USP31: variants seen among roughly 807,000 people sequenced by gnomAD.
USP31 encodes the protein ubiquitin carboxyl-terminal hydrolase 31.
Under a neutral mutation model 119.4 loss-of-function variants are expected in USP31, and 44 were observed. The ratio of observed to expected loss-of-function variants is 0.37; its 90% confidence interval spans 0.29 to 0.47. The LOEUF (loss-of-function observed/expected upper bound fraction) is 0.47, where lower values mean the gene tolerates loss of function less well. Among genes scored for constraint, USP31 ranks in the 20% least tolerant of loss-of-function variants. USP31 has a pLI of 0.99. For missense variants in USP31, 1,643 were observed against 1,730.2 expected, an observed-to-expected ratio of 0.95 and a Z score of 0.89; for synonymous variants, 749 against 705.6, an observed-to-expected ratio of 1.06 and a Z score of -0.97.
chr16:23,106,315 A>G lies in USP31; in HGVS notation c.861-10T>C, dbSNP rs1383736334. The G allele has an allele frequency of 6.2e-7, 1 of 1,614,116 alleles. No homozygotes were observed. Among genetic ancestry groups the G allele is most frequent in the South Asian group, 1.1e-5 (1 of 91,056 alleles). ...ACACGTCAAAGAAGATCTTCAAAAC[A>G]AAAAGGTAAGACGCTTGACATTAAA... On this transcript the variant is annotated splice_polypyrimidine_tract_variant and intron_variant, in intron 3 of 15. Transcript: ENST00000219689.
chr16:23,143,594 G>GGA (rs11369711), intron 1 of USP31, among the ~76,000 whole-genome samples: 2 of 149,970 alleles, frequency 1.3e-5, no homozygotes, highest in Admixed American at 6.7e-5. Context: ...TTGGGGGGGG[G>GGA]GAGAGAGAGA....
At chr16:23,070,900 T>A (rs1900318376) in intron 15 of USP31, among the ~76,000 whole-genome samples, 1 of 152,184 alleles carries the variant, frequency 6.6e-6, no homozygotes. Context: ...AGCACCATTA[T>A]ACAATGATGA....
rs189209877 is a variant in USP31 at position 23,092,952 on chromosome 16, T to A, written c.1235-2148A>T. Among the ~76,000 whole-genome samples, 11 of 152,218 alleles carry A rather than the reference T, an allele frequency of 7.2e-5. No homozygotes were observed. In the East Asian group the frequency reaches 1.9e-3, roughly 27 times the overall value. ...CAATGAGGACAGTACAATCTCTTCA[T>A]CAAATGGTGCTGGGACAAGTAAATA... On this transcript the variant is annotated intron_variant, in intron 6 of 15. Coordinates refer to ENST00000219689, the MANE Select transcript of USP31 (RefSeq NM_020718.4).
chr16:23,148,412 C>G (rs535937109), intron 1 of USP31, among the ~76,000 whole-genome samples: 9 of 152,310 alleles, frequency 5.9e-5, no homozygotes, highest in Admixed American at 5.9e-4. Flanking sequence ...AGTATGGGCA[C>G]GTATGTAGTA....
At chr16:23,089,277 G>C (rs1048246106) in intron 7 of USP31, among the ~76,000 whole-genome samples, 4 of 152,078 alleles carry the variant, frequency 2.6e-5, no homozygotes, top group South Asian at 2.1e-4. Flanking sequence ...CGTCTTCCCT[G>C]ACCTCCCTTC....
intron 12 of USP31, among the ~76,000 whole-genome samples, chr16:23,081,898 C>G (rs765659430): frequency 6.6e-6 from 1 of 152,234 alleles, no homozygotes; most frequent in Non-Finnish European, 1.5e-5. Context: ...CAGATACAAA[C>G]TAAGAGCCAG....
chr16:23,086,930 C>T (rs1901134052), intron 9 of USP31, among the ~76,000 whole-genome samples, 162 bp downstream of exon 9: 1 of 152,104 alleles, frequency 6.6e-6, no homozygotes, highest in Non-Finnish European at 1.5e-5. Flanking sequence ...GATCATCAAA[C>T]ATATACCCAA....
chr16:23,127,371 A>G (rs1050301819), intron 1 of USP31, among the ~76,000 whole-genome samples: 1 of 152,104 alleles, frequency 6.6e-6, no homozygotes, highest in African/African-American at 2.4e-5. Context: ...GTGAGCTATG[A>G]TCGCATCACT....
At chr16:23,127,546 T>C (rs1397937270) in intron 1 of USP31, among the ~76,000 whole-genome samples, 1 of 152,112 alleles carries the variant, frequency 6.6e-6, no homozygotes, top group Non-Finnish European at 1.5e-5. Flanking sequence ...CACTGCAACC[T>C]CTGCCGCCTG....
intron 6 of USP31, among the ~76,000 whole-genome samples, chr16:23,098,462 G>C (rs1391155517): frequency 1.3e-5 from 2 of 152,000 alleles, no homozygotes; most frequent in South Asian, 2.1e-4. Flanking sequence ...TCACAGAATT[G>C]GAAAAAACTA....
chr16:23,089,507 C>A (rs1411068570), intron 7 of USP31, among the ~76,000 whole-genome samples: 1 of 152,154 alleles, frequency 6.6e-6, no homozygotes, highest in Non-Finnish European at 1.5e-5. Context: ...ACTGTAAACA[C>A]TAAAATACCT....
At chr16:23,141,172 G>A (rs1048885138) in intron 1 of USP31, among the ~76,000 whole-genome samples, 20 of 152,018 alleles carry the variant, frequency 1.3e-4, no homozygotes, top group African/African-American at 2.4e-4. Context: ...AGGCAGACTC[G>A]GCCTCTGCCT....
chr16:23,069,297 A>G lies in USP31; in HGVS notation c.2808T>C (p.Ala936=). ...TGACAGCCAGAGGGGCCCGGCCCAC[A>G]GCCTTGTGCTCACGGCGACTATGAC... ...SDSHSRREHK[A]VGRAPLAVME... Residue 936 remains alanine, a synonymous_variant, in exon 16 of 16, where the codon GCT becomes GCC. Transcript: ENST00000219689. 1 of 1,610,110 alleles carries G rather than the reference A, an allele frequency of 6.2e-7. No homozygotes were observed. Among genetic ancestry groups the G allele is most frequent in the East Asian group, 2.2e-5 (1 of 44,864 alleles).
chr16:23,071,596 G>A (rs1900346409), intron 15 of USP31, among the ~76,000 whole-genome samples: 1 of 152,168 alleles, frequency 6.6e-6, no homozygotes, highest in African/African-American at 2.4e-5. Flanking sequence ...CCTCCCTGGG[G>A]AGCAGCATGT....
At chr16:23,109,300 C>T (rs771451883) in intron 1 of USP31, among the ~76,000 whole-genome samples, 3 of 152,090 alleles carry the variant, frequency 2.0e-5, no homozygotes, top group Non-Finnish European at 4.4e-5. Context: ...GGAGAAATGG[C>T]CCTTTCGAGG....
rs1431491307 is a variant in USP31, at chr16:23,063,967, AGAGTTT to A, written c.*4073_*4078del. 1 of 152,542 alleles carries A rather than the reference AGAGTTT, an allele frequency of 6.6e-6. No individual in the cohort carries two copies. Among genetic ancestry groups the A allele is most frequent in the Non-Finnish European group, 1.5e-5 (1 of 68,036 alleles). 9.4% of individuals were successfully genotyped at this position (152,542 alleles called of 1,614,324 possible). ...TGGATTTCTCCCCAAACCATGTAGT[AGAGTTT>A]AACAATAATGTACCCTTTATGAAAT... On this transcript the variant is annotated 3_prime_UTR_variant, in exon 16 of 16. Coordinates refer to ENST00000219689, the MANE Select transcript of USP31 (RefSeq NM_020718.4).
At chr16:23,112,628 T>C (rs1902357340) in intron 1 of USP31, among the ~76,000 whole-genome samples, 1 of 152,088 alleles carries the variant, frequency 6.6e-6, no homozygotes, top group African/African-American at 2.4e-5. Flanking sequence ...CTTGAAATGG[T>C]TTGGCTTATG....
At chr16:23,128,221 G>A (rs975810006) in intron 1 of USP31, among the ~76,000 whole-genome samples, 1 of 152,148 alleles carries the variant, frequency 6.6e-6, no homozygotes, top group Non-Finnish European at 1.5e-5. Flanking sequence ...CTGTACCAAA[G>A]GAACCTGATT....
At chr16:23,130,714 C>G (rs935756142) in intron 1 of USP31, among the ~76,000 whole-genome samples, 1 of 152,102 alleles carries the variant, frequency 6.6e-6, no homozygotes, top group African/African-American at 2.4e-5. Context: ...CAGAATGACA[C>G]GTAAACATAA....
Sources: gnomAD v4.1 joint callset for allele counts (sites outside exome capture counted in the v4.1 genomes callset) on GRCh38, gnomAD v4.1.1 for gene constraint, MANE v1.5 for transcripts, NCBI Gene and HGNC (gene_info 2026-07-23, HGNC 2026-07-21) for gene names.